PCDH19: variants seen among roughly 807,000 people sequenced by gnomAD.
The protein encoded by PCDH19 is protocadherin 19, also known as protocadherin-19.
In PCDH19, 6 loss-of-function variants were observed where a neutral mutation model predicts 46.2. That is an observed-to-expected ratio of 0.13 (90% confidence interval 0.07 to 0.26). The LOEUF is 0.26. Among genes scored for constraint, PCDH19 ranks in the 10% least tolerant of loss-of-function variants. PCDH19 has a pLI of 1.00. For synonymous variants in PCDH19, 481 were observed against 415.7 expected (o/e 1.16, Z -1.91); for missense variants, 740 against 972.3 (o/e 0.76, Z 3.18).
chrX:100,320,552 T>C (rs1361383256), intron 5 of PCDH19, among the ~76,000 whole-genome samples: 1 of 111,818 alleles, frequency 8.9e-6, no homozygotes, highest in Non-Finnish European at 1.9e-5. Flanking sequence ...TTTTGAGAAA[T>C]GACAATCACC....
rs1166554052 is a variant in PCDH19 at position 100,407,869 on chromosome X, G to A, written c.729C>T (p.Tyr243=). 1 of 1,211,150 alleles carries A rather than the reference G, an allele frequency of 8.3e-7. No homozygotes were observed. Among genetic ancestry groups the A allele is most frequent in the Non-Finnish European group, 1.1e-6 (1 of 895,359 alleles). ...GCGAGTTTTCTGGCACGCTCACCGC[G>A]TAGGTGGACTCGCTAAACACCGGGT... is the stretch of plus-strand genomic sequence containing the variant. ...DNNPVFSEST[Y]AVSVPENSPP... The change falls in exon 1 of 6, where the codon TAC becomes TAT. Residue 243 remains tyrosine, a synonymous_variant. Coordinates refer to ENST00000373034, the MANE Select transcript of PCDH19 (RefSeq NM_001184880.2).
rs192713862 is a variant in PCDH19 at position 100,373,665 on chromosome X, C to T, written c.2617-22961G>A. 4.5e-5 allele frequency among the ~76,000 whole-genome samples: 5 copies of T among 112,095 alleles called. No homozygotes were observed. In the East Asian group the frequency reaches 1.1e-3, roughly 25 times the overall value. Reference sequence around the variant, plus strand: ...CCTAAGGCATTAAATTAAAAAAGGCCTCCAACAAAATTAAAACTTGGAAAA... The same window carrying T: ...CCTAAGGCATTAAATTAAAAAAGGCTTCCAACAAAATTAAAACTTGGAAAA... On this transcript the variant is annotated intron_variant, in intron 3 of 5. Coordinates refer to ENST00000373034, the MANE Select transcript of PCDH19 (RefSeq NM_001184880.2).
intron 5 of PCDH19, among the ~76,000 whole-genome samples, chrX:100,340,334 T>C: frequency 8.9e-6 from 1 of 112,377 alleles, no homozygotes; most frequent in Non-Finnish European, 1.9e-5. Context: ...ACAGATGTTG[T>C]TCTAGCCAGG....
At chrX:100,301,992 A>C (rs1438695237) in intron 5 of PCDH19, among the ~76,000 whole-genome samples, 1 of 111,836 alleles carries the variant, frequency 8.9e-6, no homozygotes, top group Non-Finnish European at 1.9e-5. Flanking sequence ...AAAATTCCTT[A>C]AAAGGGGAGA....
chrX:100,316,843 C>T (rs1925323374), intron 5 of PCDH19, among the ~76,000 whole-genome samples: 1 of 111,899 alleles, frequency 8.9e-6, no homozygotes, highest in South Asian at 3.7e-4. Context: ...CAATATTTCT[C>T]TACTCTTGCT....
intron 5 of PCDH19, among the ~76,000 whole-genome samples, chrX:100,303,713 G>A (rs1185971464): frequency 8.9e-6 from 1 of 111,748 alleles, no homozygotes; most frequent in African/African-American, 3.3e-5. Context: ...ACAACTACTT[G>A]TCTCTTTCTC....
At chrX:100,312,143 G>A (rs1213048427) in intron 5 of PCDH19, among the ~76,000 whole-genome samples, 1 of 110,420 alleles carries the variant, frequency 9.1e-6, no homozygotes, top group Non-Finnish European at 1.9e-5. Context: ...GAGAAAGAGA[G>A]TGAGAGTAAA....
chrX:100,338,078 C>T (rs1353711091), intron 5 of PCDH19, among the ~76,000 whole-genome samples: 3 of 111,548 alleles, frequency 2.7e-5, no homozygotes, highest in African/African-American at 6.5e-5. Context: ...CGGTGGCTCA[C>T]GCCTGTAATC....
At chrX:100,333,411 G>T (rs1925982049) in intron 5 of PCDH19, among the ~76,000 whole-genome samples, 1 of 111,365 alleles carries the variant, frequency 9.0e-6, no homozygotes, top group African/African-American at 3.3e-5. Context: ...AGCATACTAT[G>T]TTGGGGCCTG....
chrX:100,394,883 A>AT (rs139332001), intron 3 of PCDH19, among the ~76,000 whole-genome samples: 21,397 of 71,579 alleles, frequency 0.3, 3,545 homozygotes, highest in African/African-American at 0.5. Context: ...GAGGAATCTA[A>AT]TTTTTTTTTT....
chrX:100,361,367 A>C (rs1036631497), intron 3 of PCDH19, among the ~76,000 whole-genome samples: 3 of 111,910 alleles, frequency 2.7e-5, no homozygotes, highest in Admixed American at 9.5e-5. Flanking sequence ...AAAACCACAT[A>C]AAGAAGAAGA....
rs60720039 is a variant in PCDH19 at position 100,322,833 on chromosome X, G to GTATATATATA, written c.2848+19060_2848+19069dup. Among the ~76,000 whole-genome samples the GTATATATATA allele has an allele frequency of 3.9e-3, 190 of 48,757 alleles. 6 individuals carry two copies. The highest frequency in any genetic ancestry group is 0.025 in the East Asian group (50 of 1,968). 42.3% of individuals were successfully genotyped at this position (48,757 alleles called of 115,157 possible). The stretch of plus-strand genomic sequence containing the variant: ...CCTCCTTGGTTAGGTATATTCCTAA[G>GTATATATATA]TATATATATATATATATATATATAT... On this transcript the variant is annotated intron_variant, in intron 5 of 5. Transcript: ENST00000373034.
chrX:100,366,428 C>T (rs1602610886), intron 3 of PCDH19, among the ~76,000 whole-genome samples: 1 of 111,575 alleles, frequency 9.0e-6, no homozygotes, highest in Non-Finnish European at 1.9e-5. Context: ...TAACCTTCTG[C>T]CTTTGCAACT....
chrX:100,304,064 C>A (rs1569286375), intron 5 of PCDH19, among the ~76,000 whole-genome samples: 1 of 112,448 alleles, frequency 8.9e-6, no homozygotes, highest in Non-Finnish European at 1.9e-5. Flanking sequence ...TATAGTACTG[C>A]AGCTGATACA....
At chrX:100,357,068 A>G (rs1019828571) in intron 3 of PCDH19, among the ~76,000 whole-genome samples, 1 of 111,735 alleles carries the variant, frequency 8.9e-6, no homozygotes, top group African/African-American at 3.3e-5. Context: ...AACCCTGGGA[A>G]TTAAAAAAAA....
rs149120183 is a variant in PCDH19 at position 100,309,399 on chromosome X, G to A, written c.2849-12524C>T. ...ACTCAGGGGAAAGGGTGGGAGGAGTGTGAGAGATAAAAGACTGCACATTGG... is the reference window on the plus strand; with the variant it reads ...ACTCAGGGGAAAGGGTGGGAGGAGTATGAGAGATAAAAGACTGCACATTGG... On this transcript the variant is annotated intron_variant, in intron 5 of 5. Transcript: ENST00000373034. Among the ~76,000 whole-genome samples the A allele has an allele frequency of 6.8e-3, 754 of 111,385 alleles. 4 individuals are homozygous for A. Among genetic ancestry groups the A allele is most frequent in the African/African-American group, 0.023 (705 of 30,663 alleles).
chrX:100,357,104 C>T (rs762728446), intron 3 of PCDH19, among the ~76,000 whole-genome samples: 1 of 111,480 alleles, frequency 9.0e-6, no homozygotes, highest in East Asian at 2.8e-4. Flanking sequence ...AAGGAGCTCA[C>T]AAACTAATGG....
rs1344904225 is a variant in PCDH19, at chrX:100,296,089, T to C, written c.*188A>G. 2 of 454,072 alleles carry C rather than the reference T, an allele frequency of 4.4e-6. No homozygotes were observed. Among genetic ancestry groups the C allele is most frequent in the Non-Finnish European group, 7.6e-6 (2 of 262,254 alleles). The allele number at this position is 454,072 out of a possible 1,213,427, so 37.4% of individuals were successfully genotyped here. On this transcript the variant is annotated 3_prime_UTR_variant, in exon 6 of 6. Transcript: ENST00000373034. ...CAAGCCAAAGCTAATTTGCTCCAAC[T>C]GAACACCCCTGCTGCCTGTTGAAAC...
In PCDH19 at chrX:100,385,472, T is replaced by C. The variant is rs187113595; in HGVS notation, c.2616+17052A>G. ...GATAGCCATCATGGTGTTATTTATA[T>C]AAAACAAAAATTTAAATAACCTCAA... On this transcript the variant is annotated intron_variant, in intron 3 of 5. Coordinates refer to ENST00000373034, the MANE Select transcript of PCDH19 (RefSeq NM_001184880.2). Among the ~76,000 whole-genome samples, 1,045 of 112,460 alleles carry C rather than the reference T, an allele frequency of 9.3e-3. 6 individuals carry two copies. The highest frequency in any genetic ancestry group is 0.038 in the Middle Eastern group (8 of 213).
Sources: allele counts gnomAD v4.1 joint callset (sites outside exome capture counted in the v4.1 genomes callset), GRCh38; gene constraint gnomAD v4.1.1; transcripts MANE v1.5; gene names NCBI Gene and HGNC (gene_info 2026-07-23, HGNC 2026-07-21).